Variants in TF observed in about 807,000 individuals in gnomAD.
TF encodes transferrin, also known as serotransferrin.
A neutral mutation model predicts 82.4 loss-of-function variants in TF; 55 were observed. The ratio of observed to expected loss-of-function variants is 0.67; its 90% CI spans 0.54 to 0.84. TF has a LOEUF of 0.84. Among genes scored for constraint, TF ranks in the 40% least tolerant of loss-of-function variants. The pLI, the probability that TF is intolerant of heterozygous loss-of-function variation, is 0.00. For missense variants in TF, 737 were observed against 868.4 expected (o/e 0.85, Z 1.90); for synonymous variants, 332 against 332.6 (o/e 1.00, Z 0.02).
rs1934066721 is a variant in TF, at chr3:133,764,198, C to T, written c.1220C>T (p.Ala407Val). The T allele has an allele frequency of 6.2e-7, 1 of 1,613,824 alleles. No individual in the cohort carries two copies. The highest frequency in any genetic ancestry group is 8.5e-7 in the Non-Finnish European group (1 of 1,179,786). ...TCTTTGCAGAATGGAGAAGCTGATG[C>T]CATGAGCTTGGATGGAGGGTTTGTC... is the stretch of plus-strand genomic sequence containing the variant. ...IAKIMNGEAD[A>V]MSLDGGFVYI... The change falls in exon 10 of 17, where the codon GCC (alanine) becomes GTC (valine). Residue 407 changes from alanine (A) to valine (V), a missense_variant. Ala to Val is a moderately conservative substitution (Grantham distance 64, BLOSUM62 0). Transcript: ENST00000402696.
chr3:133,779,379 G>T lies in TF; in HGVS notation c.*759G>T, dbSNP rs1429465021. On this transcript the variant is annotated 3_prime_UTR_variant, in exon 17 of 17. Transcript: ENST00000402696. Reference sequence around the variant, plus strand: ...TTCTGCTTCACCAACTTACCTGAATGTACCCTGGCAAAAGTCACCGTCTAC... The same window carrying T: ...TTCTGCTTCACCAACTTACCTGAATTTACCCTGGCAAAAGTCACCGTCTAC... 2 of 152,134 alleles carry T rather than the reference G, an allele frequency of 1.3e-5. No homozygotes were observed. Among genetic ancestry groups the T allele is most frequent in the East Asian group, 3.9e-4 (2 of 5,190 alleles). The allele number at this position is 152,134 out of a possible 1,614,324, so 9.4% of individuals were successfully genotyped here.
At chr3:133,730,742 C>A in the TF span, among the ~76,000 whole-genome samples, 1 of 150,680 alleles carries the variant, frequency 6.6e-6, no homozygotes, top group Non-Finnish European at 1.5e-5. Context: ...GTAACACACA[C>A]ACAAGCATGC....
chr3:133,740,681 G>T, the TF span, among the ~76,000 whole-genome samples: 2,038 of 152,018 alleles, frequency 0.013, 42 homozygotes, highest in African/African-American at 0.045. Flanking sequence ...TAATTTACAT[G>T]AAAAAACATT....
the TF span, among the ~76,000 whole-genome samples, chr3:133,730,084 T>C: frequency 2.0e-5 from 3 of 152,202 alleles, no homozygotes; most frequent in African/African-American, 7.2e-5. Flanking sequence ...CGAAATGAGC[T>C]TCTATCTCAA....
chr3:133,760,510 T>C (rs1487588902), intron 9 of TF: 1 of 153,112 alleles, frequency 6.5e-6, no homozygotes, highest in East Asian at 1.9e-4. Flanking sequence ...TACAAATCTG[T>C]TAGCAGTTTG....
chr3:133,671,945 T>C, the TF span, among the ~76,000 whole-genome samples: 1 of 151,988 alleles, frequency 6.6e-6, no homozygotes, highest in Non-Finnish European at 1.5e-5. Flanking sequence ...AAAGCCAAGG[T>C]TGATTCTCTG....
At chr3:133,766,655 A>G (rs1197067423) in intron 12 of TF, among the ~76,000 whole-genome samples, 2 of 152,246 alleles carry the variant, frequency 1.3e-5, no homozygotes, top group Non-Finnish European at 2.9e-5. Flanking sequence ...TAGGTTGAAC[A>G]TATTAGCATG....
intron 10 of TF, 99 bp from the exon 11 acceptor site, chr3:133,764,776 T>C (rs1455928436): frequency 3.3e-6 from 4 of 1,224,982 alleles, no homozygotes; most frequent in Admixed American, 1.9e-5. Flanking sequence ...TAATTTTCTC[T>C]GACTTTCTTT....
In TF at chr3:133,787,457, A is replaced by G. The variant is rs936227781; in HGVS notation, c.*8837A>G. 6 of 152,244 alleles carry G rather than the reference A, an allele frequency of 3.9e-5. No individual in the cohort carries two copies. Among genetic ancestry groups the G allele is most frequent in the African/African-American group, 7.2e-5 (3 of 41,462 alleles). The allele number at this position is 152,244 out of a possible 1,614,324, so 9.4% of individuals were successfully genotyped here. A position where few individuals can be genotyped will look rare whatever the true frequency, so the allele number is the denominator to read the frequency against. On this transcript the variant is annotated 3_prime_UTR_variant, in exon 17 of 17. Coordinates refer to ENST00000402696, the MANE Select transcript of TF (RefSeq NM_001063.4). The stretch of plus-strand genomic sequence containing the variant: ...TGATACATGTGCAATTTTATTTTAC[A>G]GTGCTATGTACACAGTGGAAAGTTA...
At chr3:133,759,958 A>T (rs1407023757) in intron 9 of TF, among the ~76,000 whole-genome samples, 3 of 152,146 alleles carry the variant, frequency 2.0e-5, no homozygotes, top group Non-Finnish European at 4.4e-5. Flanking sequence ...GGATCATTTC[A>T]TGTAGGTTGC....
the TF span, among the ~76,000 whole-genome samples, chr3:133,721,376 A>C: frequency 6.6e-6 from 1 of 152,150 alleles, no homozygotes; most frequent in Non-Finnish European, 1.5e-5. Context: ...CATGATGTTT[A>C]ATATATATGT....
In TF at chr3:133,779,331, G is replaced by A. The variant is rs1443175852; in HGVS notation, c.*711G>A. ...TGACTTTTCTGTCTCACTTATTATT[G>A]GCTGAACATACAGAATTTGGTCTTC... On this transcript the variant is annotated 3_prime_UTR_variant, in exon 17 of 17. Transcript: ENST00000402696. 1 of 152,234 alleles carries A rather than the reference G, an allele frequency of 6.6e-6. No individual in the cohort carries two copies. Among genetic ancestry groups the A allele is most frequent in the African/African-American group, 2.4e-5 (1 of 41,386 alleles). 9.4% of individuals were successfully genotyped at this position (152,234 alleles called of 1,614,324 possible).
chr3:133,778,478 AG>A (rs1208161309), intron 16 of TF, 107 bp from the exon 17 acceptor site: 1 of 1,218,242 alleles, frequency 8.2e-7, no homozygotes, highest in African/African-American at 1.5e-5. Flanking sequence ...AAGAGGAGGC[AG>A]CAAGTCTGCA....
chr3:133,740,706 G>A, the TF span, among the ~76,000 whole-genome samples: 1 of 151,998 alleles, frequency 6.6e-6, no homozygotes, highest in Admixed American at 6.6e-5. Flanking sequence ...ATTTGATTGG[G>A]AGTACATTGA....
intron 2 of TF, among the ~76,000 whole-genome samples, chr3:133,751,472 C>G (rs575520326): frequency 1.3e-5 from 2 of 152,070 alleles, no homozygotes; most frequent in South Asian, 4.1e-4. Context: ...ACCTCGTGAT[C>G]CGCCCGTCTC....
chr3:133,775,643 C>A (rs754573520), intron 15 of TF, 26 bp downstream of exon 15: 8 of 1,612,322 alleles, frequency 5.0e-6, no homozygotes, highest in Non-Finnish European at 6.8e-6. Context: ...GTCCTCCCAC[C>A]TTTTCTTCCT....
At chr3:133,760,147 C>T (rs1168626406) in intron 9 of TF, among the ~76,000 whole-genome samples, 1 of 152,010 alleles carries the variant, frequency 6.6e-6, no homozygotes, top group Admixed American at 6.6e-5. Flanking sequence ...CATTTCTTGC[C>T]CTCTGTGTCT....
the TF span, among the ~76,000 whole-genome samples, chr3:133,721,432 A>G: frequency 2.0e-5 from 3 of 152,148 alleles, no homozygotes; most frequent in Non-Finnish European, 4.4e-5. Flanking sequence ...GTTGTATACC[A>G]TTGTGGTTAG....
the TF span, among the ~76,000 whole-genome samples, chr3:133,738,864 A>G: frequency 1.3e-5 from 2 of 152,254 alleles, no homozygotes; most frequent in Non-Finnish European, 2.9e-5. Flanking sequence ...GGAAGAATCA[A>G]TATTGTTAAA....
Sources: gnomAD v4.1 joint callset for allele counts (sites outside exome capture counted in the v4.1 genomes callset) on GRCh38, gnomAD v4.1.1 for gene constraint, MANE v1.5 for transcripts, NCBI Gene and HGNC (gene_info 2026-07-23, HGNC 2026-07-21) for gene names.